SLIT2: variants seen among roughly 807,000 people sequenced by gnomAD.
SLIT2 encodes slit homolog 2 protein.
Under a neutral mutation model 185.7 loss-of-function variants are expected in SLIT2, and 41 were observed. The observed-to-expected ratio is 0.22, with a 90% CI of 0.17 to 0.29. SLIT2 has a LOEUF of 0.29. Ranked by LOEUF, SLIT2 falls within the 10% of genes least tolerant of loss-of-function variation. SLIT2 has a pLI of 1.00. For missense variants in SLIT2, 1,571 were observed against 1,909.0 expected (o/e 0.82, Z 3.30); for synonymous variants, 693 against 680.2 (o/e 1.02, Z -0.29).
chr4:20,570,025 TTA>T (rs1725434763), intron 29 of SLIT2, among the ~76,000 whole-genome samples: 2 of 152,112 alleles, frequency 1.3e-5, no homozygotes, highest in African/African-American at 4.8e-5. Flanking sequence ...AAACTGAACT[TTA>T]CTAGGTACCT....
At chr4:20,556,866 G>T (rs1334681728) in intron 26 of SLIT2, among the ~76,000 whole-genome samples, 2 of 152,082 alleles carry the variant, frequency 1.3e-5, no homozygotes, top group African/African-American at 4.8e-5. Context: ...GAAATTAAAA[G>T]TGTTATTCCA....
rs546848099 is a variant in SLIT2, at chr4:20,494,646, G to A, written c.914+2747G>A. ...CAACAAAAATTAGCCGGGCGTGGTC[G>A]TGGATGCCTGTAGTCTCATCTACTC... On this transcript the variant is annotated intron_variant, in intron 9 of 36. Coordinates refer to ENST00000504154, the MANE Select transcript of SLIT2 (RefSeq NM_004787.4). Among the ~76,000 whole-genome samples, 70 of 152,054 alleles carry A rather than the reference G, an allele frequency of 4.6e-4. 1 individual carries two copies. The highest frequency in any genetic ancestry group is 1.6e-3 in the African/African-American group (65 of 41,478).
chr4:20,370,556 AC>A (rs1260942582), intron 4 of SLIT2, among the ~76,000 whole-genome samples: 1 of 152,086 alleles, frequency 6.6e-6, no homozygotes, highest in African/African-American at 2.4e-5. Flanking sequence ...TGAGACAGAG[AC>A]TCCAATACTG....
intron 4 of SLIT2, among the ~76,000 whole-genome samples, chr4:20,296,919 T>A (rs1391610873): frequency 6.6e-6 from 1 of 152,210 alleles, no homozygotes; most frequent in Non-Finnish European, 1.5e-5. Flanking sequence ...TTGCCCTTTC[T>A]TCTCTGCTAA....
intron 4 of SLIT2, among the ~76,000 whole-genome samples, chr4:20,296,779 TG>T (rs1461288039): frequency 6.6e-6 from 1 of 152,240 alleles, no homozygotes; most frequent in African/African-American, 2.4e-5. Flanking sequence ...TTTAACTGAA[TG>T]TATCCCCCGA....
chr4:20,388,785 A>AT (rs1258803755), intron 4 of SLIT2, among the ~76,000 whole-genome samples: 88 of 137,132 alleles, frequency 6.4e-4, no homozygotes, highest in Non-Finnish European at 1.2e-3. Context: ...GGGGAAAAAA[A>AT]AAAAAAAATA....
At chr4:20,453,263 C>T (rs1428876556) in intron 4 of SLIT2, among the ~76,000 whole-genome samples, 1 of 152,024 alleles carries the variant, frequency 6.6e-6, no homozygotes. Flanking sequence ...TTAATGCTTA[C>T]TGGGATTGTT....
chr4:20,578,518 G>T (rs1359094129), intron 29 of SLIT2, among the ~76,000 whole-genome samples: 2 of 152,032 alleles, frequency 1.3e-5, no homozygotes, highest in Non-Finnish European at 2.9e-5. Context: ...ATAAAAAACA[G>T]TTTGTTACAA....
Position 20,382,984 on chromosome 4 carries a change from T to A in SLIT2, c.396-84768T>A, listed in dbSNP as rs546309788. Among the ~76,000 whole-genome samples the A allele has an allele frequency of 1.8e-4, 27 of 152,260 alleles. 1 individual carries two copies. Among genetic ancestry groups the A allele is most frequent in the African/African-American group, 6.5e-4 (27 of 41,572 alleles). On this transcript the variant is annotated intron_variant, in intron 4 of 36. Coordinates refer to ENST00000504154, the MANE Select transcript of SLIT2 (RefSeq NM_004787.4). Reference sequence around the variant, plus strand: ...TGGAATAGAAAAGAGAGTCAAGAAATAGCTCATATATAACCACATACATGG... The same window carrying A: ...TGGAATAGAAAAGAGAGTCAAGAAAAAGCTCATATATAACCACATACATGG...
chr4:20,592,386 C>T (rs1339882544), intron 30 of SLIT2, among the ~76,000 whole-genome samples: 1 of 152,124 alleles, frequency 6.6e-6, no homozygotes, highest in East Asian at 1.9e-4. Context: ...GCTTCTTCCT[C>T]TCTCCTTGTC....
At chr4:20,412,386 A>G (rs1727327076) in intron 4 of SLIT2, among the ~76,000 whole-genome samples, 1 of 152,178 alleles carries the variant, frequency 6.6e-6, no homozygotes, top group Non-Finnish European at 1.5e-5. Context: ...GTGTAAATTA[A>G]TCATCTTATA....
chr4:20,298,742 G>A (rs773392298), intron 4 of SLIT2, among the ~76,000 whole-genome samples: 1 of 152,148 alleles, frequency 6.6e-6, no homozygotes, highest in Non-Finnish European at 1.5e-5. Flanking sequence ...TGTTGCTGGA[G>A]GTTTAAGAAA....
chr4:20,483,103 G>A (rs937942153), intron 6 of SLIT2, among the ~76,000 whole-genome samples: 5 of 151,878 alleles, frequency 3.3e-5, no homozygotes, highest in Non-Finnish European at 2.9e-5. Flanking sequence ...AATAATGAAG[G>A]AACATTAACT....
intron 4 of SLIT2, among the ~76,000 whole-genome samples, chr4:20,385,160 G>A (rs536511909): frequency 1.3e-5 from 2 of 152,216 alleles, no homozygotes; most frequent in Admixed American, 1.3e-4. Flanking sequence ...CCTTTGCCAG[G>A]GTTAGGGGTT....
At chr4:20,346,378 A>G (rs1171963084) in intron 4 of SLIT2, among the ~76,000 whole-genome samples, 2 of 152,162 alleles carry the variant, frequency 1.3e-5, no homozygotes, top group South Asian at 2.1e-4. Flanking sequence ...CAATTGTAAC[A>G]ATAAAAAATG....
intron 4 of SLIT2, among the ~76,000 whole-genome samples, chr4:20,447,566 C>T (rs940089202): frequency 6.6e-6 from 1 of 152,134 alleles, no homozygotes; most frequent in Non-Finnish European, 1.5e-5. Flanking sequence ...AAGAAGTTAT[C>T]ACAGGAGCAG....
At chr4:20,563,030 T>G (rs1198355216) in intron 26 of SLIT2, among the ~76,000 whole-genome samples, 1 of 151,760 alleles carries the variant, frequency 6.6e-6, no homozygotes, top group East Asian at 1.9e-4. Context: ...ACTAGTGATT[T>G]TAGTCAAGTA....
intron 4 of SLIT2, among the ~76,000 whole-genome samples, chr4:20,365,989 G>A (rs1027373205): frequency 3.3e-5 from 5 of 152,080 alleles, no homozygotes; most frequent in African/African-American, 4.8e-5. Context: ...AGTGACAAGC[G>A]TCAAAAAATT....
intron 26 of SLIT2, among the ~76,000 whole-genome samples, chr4:20,560,625 T>G (rs1724617139): frequency 6.6e-6 from 1 of 151,990 alleles, no homozygotes. Flanking sequence ...AAGTGGAACA[T>G]TGTTAATTTC....
Sources: allele counts gnomAD v4.1 joint callset (sites outside exome capture counted in the v4.1 genomes callset), GRCh38; gene constraint gnomAD v4.1.1; transcripts MANE v1.5; gene names NCBI Gene and HGNC (gene_info 2026-07-23, HGNC 2026-07-21).